CASP4: variants seen among roughly 807,000 people sequenced by gnomAD.
The protein encoded by CASP4 is caspase-4.
CASP4 carries 29 observed loss-of-function variants against 41.3 expected under a neutral mutation model. The observed-to-expected ratio is 0.70, with a 90% CI of 0.52 to 0.96. The LOEUF (loss-of-function observed/expected upper bound fraction) is 0.96, where lower values mean the gene tolerates loss of function less well. Ranked by LOEUF, CASP4 falls within the 40% of genes least tolerant of loss-of-function variation. The pLI is 0.00. For synonymous variants in CASP4, 185 were observed against 158.4 expected (o/e 1.17, Z -1.26); for missense variants, 447 against 460.6 (o/e 0.97, Z 0.27).
rs547800146 is a variant in CASP4, at chr11:104,950,909, G to A, written c.546+16C>T. 1.2e-6 allele frequency: 2 copies of A among 1,607,290 alleles called. No individual in the cohort carries two copies. The highest frequency in any genetic ancestry group is 4.5e-5 in the East Asian group (2 of 44,738). ...CTTGAATATGTATGTGTTTGTGGCG[G>A]CTGAGGGATTCTTACCCTGGCTGTC... On this transcript the variant is annotated intron_variant, in intron 4 of 8. Coordinates refer to ENST00000444739, the MANE Select transcript of CASP4 (RefSeq NM_001225.4).
chr11:104,943,038 C>T, intron 8 of CASP4, 65 bp from the exon 9 acceptor site: 1 of 448,438 alleles, frequency 2.2e-6, no homozygotes, highest in Non-Finnish European at 4.5e-6. Context: ...TCCCATCCCT[C>T]ATCATGATTC....
chr11:104,948,710 G>T, intron 5 of CASP4, 34 bp from the exon 6 acceptor site: 1 of 1,534,772 alleles, frequency 6.5e-7, no homozygotes, highest in African/African-American at 1.4e-5. Context: ...ACACTGCTGT[G>T]CCTCCCACAG....
At chr11:104,947,614 G>T (rs570160309) in intron 6 of CASP4, 1 of 152,914 alleles carries the variant, frequency 6.5e-6, no homozygotes, top group Admixed American at 6.5e-5. Context: ...TTGCCACCAG[G>T]CTCCAAAGTT....
intron 1 of CASP4, among the ~76,000 whole-genome samples, chr11:104,956,445 A>G (rs1860739045): frequency 1.3e-5 from 2 of 152,122 alleles, no homozygotes; most frequent in Non-Finnish European, 2.9e-5. Flanking sequence ...TAAAACATAT[A>G]TTAACCTCTC....
intron 1 of CASP4, among the ~76,000 whole-genome samples, chr11:104,960,620 C>A (rs1351620182): frequency 6.6e-6 from 1 of 152,140 alleles, no homozygotes; most frequent in Admixed American, 6.5e-5. Context: ...CAGGTGCACA[C>A]AACCACGCCT....
chr11:104,946,902 T>A, intron 7 of CASP4, 181 bp downstream of exon 7: 1 of 503,616 alleles, frequency 2.0e-6, no homozygotes, highest in Non-Finnish European at 3.6e-6. Flanking sequence ...TACTTTGATC[T>A]TCTGCTGGGA....
intron 5 of CASP4, 191 bp from the exon 6 acceptor site, chr11:104,948,867 C>A: frequency 2.5e-6 from 1 of 401,018 alleles, no homozygotes; most frequent in East Asian, 3.6e-5. Context: ...TGTCATTCAA[C>A]AATGTGCCTA....
chr11:104,951,661 G>A (rs1860615587), intron 3 of CASP4: 1 of 550,700 alleles, frequency 1.8e-6, no homozygotes, highest in Non-Finnish European at 3.3e-6. Context: ...AATAAATACA[G>A]GAGCAATAGA....
chr11:104,960,034 T>G (rs1297382370), intron 1 of CASP4, among the ~76,000 whole-genome samples: 1 of 152,202 alleles, frequency 6.6e-6, no homozygotes, highest in African/African-American at 2.4e-5. Context: ...AATCTAGGCC[T>G]TCTCATTCAC....
At chr11:104,968,446 G>T in intron 1 of CASP4, 73 bp downstream of exon 1, 1 of 1,350,514 alleles carries the variant, frequency 7.4e-7, no homozygotes, top group Non-Finnish European at 1.1e-6. Context: ...CCTTTCTTGT[G>T]TTTATTTCAG....
intron 1 of CASP4, 33 bp downstream of exon 1, chr11:104,968,486 T>G (rs750907867): frequency 6.3e-7 from 1 of 1,598,392 alleles, no homozygotes; most frequent in Non-Finnish European, 8.6e-7. Flanking sequence ...TCTAAGTTCC[T>G]ACTCCCAAAC....
At chr11:104,959,996 T>C (rs941382560) in intron 1 of CASP4, among the ~76,000 whole-genome samples, 1 of 152,214 alleles carries the variant, frequency 6.6e-6, no homozygotes, top group African/African-American at 2.4e-5. Context: ...ATATCTAGAT[T>C]TGACCATGAA....
chr11:104,950,812 A>ACACACACACACACACACACC lies in CASP4; in HGVS notation c.546+112_546+113insGGTGTGTGTGTGTGTGTGTG, dbSNP rs1860590403. 1.6e-5 allele frequency: 14 copies of ACACACACACACACACACACC among 886,330 alleles called. No individual in the cohort carries two copies. The East Asian group carries it at 3.5e-4, about 22-fold the overall frequency. The allele number at this position is 886,330 out of a possible 1,614,324, so 54.9% of individuals were successfully genotyped here. Reference sequence around the variant, plus strand: ...TTATTTTGTATACACACACACACACACACACACACACCCAAAGGTTGTTAA... The same window carrying ACACACACACACACACACACC: ...TTATTTTGTATACACACACACACACACACACACACACACACACACCCACACACACACCCAAAGGTTGTTAA... On this transcript the variant is annotated intron_variant, in intron 4 of 8. Coordinates refer to ENST00000444739, the MANE Select transcript of CASP4 (RefSeq NM_001225.4).
chr11:104,966,215 C>T (rs1025077733), intron 1 of CASP4, among the ~76,000 whole-genome samples: 1 of 152,186 alleles, frequency 6.6e-6, no homozygotes, highest in Non-Finnish European at 1.5e-5. Flanking sequence ...CTGGTGATTA[C>T]AAATTCTTAA....
intron 1 of CASP4, among the ~76,000 whole-genome samples, chr11:104,958,960 CAAAAAAAA>C (rs56678254): frequency 1.1e-4 from 7 of 62,466 alleles, no homozygotes; most frequent in Admixed American, 2.5e-4. Flanking sequence ...GACTCTGTCT[CAAAAAAAA>C]AAAAAAAAAA....
chr11:104,950,786 C>T, intron 4 of CASP4, 139 bp downstream of exon 4: 1 of 330,346 alleles, frequency 3.0e-6, no homozygotes, highest in Non-Finnish European at 5.0e-6. Flanking sequence ...GTCTAGTACT[C>T]TTATTTTGTA....
At chr11:104,949,938 T>G (rs1196385414) in intron 4 of CASP4, among the ~76,000 whole-genome samples, 161 bp from the exon 5 acceptor site, 4 of 152,298 alleles carry the variant, frequency 2.6e-5, no homozygotes, top group African/African-American at 9.6e-5. Flanking sequence ...GTTTTATTTT[T>G]CCTTCTTTAT....
chr11:104,944,915 A>T, intron 7 of CASP4, 64 bp from the exon 8 acceptor site: 2 of 1,119,556 alleles, frequency 1.8e-6, no homozygotes, highest in Non-Finnish European at 2.7e-6. Context: ...AGCATCTTTC[A>T]CCATGTACCA....
intron 1 of CASP4, among the ~76,000 whole-genome samples, chr11:104,958,678 A>G (rs1406253403): frequency 6.6e-6 from 1 of 152,118 alleles, no homozygotes; most frequent in Non-Finnish European, 1.5e-5. Flanking sequence ...AACGTAAATT[A>G]GGCCCTGCGC....
Sources: allele counts gnomAD v4.1 joint callset (sites outside exome capture counted in the v4.1 genomes callset), GRCh38; gene constraint gnomAD v4.1.1; transcripts MANE v1.5; gene names NCBI Gene and HGNC (gene_info 2026-07-23, HGNC 2026-07-21).